The following AFF3 variants were observed in gnomAD, a reference collection of about 807,000 sequenced individuals.
AFF3 encodes ALF transcription elongation factor 3.
AFF3 carries 32 observed loss-of-function variants against 129.7 expected under a neutral mutation model. The observed-to-expected ratio is 0.25, with a 90% CI of 0.19 to 0.33. The LOEUF (loss-of-function observed/expected upper bound fraction) is 0.33. Ranked by LOEUF, AFF3 falls within the 10% of genes least tolerant of loss-of-function variation. AFF3 has a pLI of 1.00. For missense variants in AFF3, 1,373 were observed against 1,592.0 expected, an observed-to-expected ratio of 0.86 and a Z score of 2.34; for synonymous variants, 644 against 635.4, an observed-to-expected ratio of 1.01 and a Z score of -0.20.
At chr2:99,556,413 G>A (rs766004025) in intron 22 of AFF3, among the ~76,000 whole-genome samples, 5 of 152,116 alleles carry the variant, frequency 3.3e-5, no homozygotes, top group Non-Finnish European at 7.4e-5. Flanking sequence ...CTGCACTCCA[G>A]CCTGGGTGAC....
intron 7 of AFF3, among the ~76,000 whole-genome samples, chr2:99,995,355 C>T (rs578186763): frequency 6.6e-6 from 1 of 151,872 alleles, no homozygotes; most frequent in South Asian, 2.1e-4. Context: ...AAACAAATTC[C>T]AGATGATAAC....
chr2:99,831,428 G>T (rs973765352), intron 8 of AFF3, among the ~76,000 whole-genome samples: 4 of 152,254 alleles, frequency 2.6e-5, no homozygotes, highest in Admixed American at 2.6e-4. Context: ...CATAAACCAG[G>T]TTAGCTGGCT....
In AFF3 at chr2:99,727,097, G is replaced by A. The variant is rs1428098003; in HGVS notation, c.1071C>T (p.Asp357=). ...CTTACGATGTATTCGATGTGCCATTGTCTGGACTCTCTGGCTCTGCATCAC... is the reference window on the plus strand; with the variant it reads ...CTTACGATGTATTCGATGTGCCATTATCTGGACTCTCTGGCTCTGCATCAC... ...KKGDAEPESP[D]NGTSNTSMLE... The change falls in exon 11 of 25, where the codon GAC becomes GAT. Residue 357 remains aspartate (D), a synonymous_variant. Transcript: ENST00000672756. 6.2e-7 allele frequency: 1 copy of A among 1,608,888 alleles called. No individual in the cohort carries two copies. Among genetic ancestry groups the A allele is most frequent in the Non-Finnish European group, 8.5e-7 (1 of 1,178,754 alleles).
chr2:99,672,732 C>A lies in AFF3; in HGVS notation c.1092-143G>T, dbSNP rs75918180. The A allele has an allele frequency of 3.0e-3, 2,282 of 764,410 alleles. 29 individuals are homozygous for A. The African/African-American group carries it at 0.032, about 11-fold the overall frequency. 47.4% of individuals were successfully genotyped at this position (764,410 alleles called of 1,614,324 possible). On this transcript the variant is annotated intron_variant, in intron 11 of 24. Transcript: ENST00000672756. ...ATTTGATTTCCTATTTTTTTTCTTT[C>A]CTTCTTATGCACTTTTCCTCTGGTG...
At chr2:99,970,983 G>A (rs1281311823) in intron 7 of AFF3, among the ~76,000 whole-genome samples, 1 of 152,160 alleles carries the variant, frequency 6.6e-6, no homozygotes, top group Non-Finnish European at 1.5e-5. Context: ...TATCTTTCCT[G>A]CCTGATCCAG....
intron 4 of AFF3, among the ~76,000 whole-genome samples, chr2:100,076,683 C>A (rs1688614455): frequency 6.6e-6 from 1 of 152,172 alleles, no homozygotes; most frequent in African/African-American, 2.4e-5. Flanking sequence ...TCCATTTTCT[C>A]CCCTTTTTCC....
rs1235685384 is a variant in AFF3 at position 100,008,841 on chromosome 2, T to C, written c.145A>G (p.Ser49Gly). 6.2e-7 allele frequency: 1 copy of C among 1,614,054 alleles called. No individual in the cohort carries two copies. Among genetic ancestry groups the C allele is most frequent in the South Asian group, 1.1e-5 (1 of 91,030 alleles). ...TAGGGCTCACTGAAGAGAGAGTAAC[T>C]AGAATTAAACGTGCCATCATCCTGT... is the stretch of plus-strand genomic sequence containing the variant. ...TQQDDGTFNS[S>G]YSLFSEPYKT... Residue 49 changes from serine to glycine, a missense_variant, in exon 5 of 25, where the codon AGT becomes GGT. Ser to Gly is a moderately conservative substitution (Grantham distance 56). Coordinates refer to ENST00000672756, the MANE Select transcript of AFF3 (RefSeq NM_001386135.1).
chr2:99,876,420 A>C (rs1692304038), intron 7 of AFF3, among the ~76,000 whole-genome samples: 1 of 152,082 alleles, frequency 6.6e-6, no homozygotes, highest in African/African-American at 2.4e-5. Context: ...TGTCCCTCTC[A>C]CATTCACTTC....
intron 7 of AFF3, among the ~76,000 whole-genome samples, chr2:99,904,878 A>G (rs1318058399): frequency 1.3e-5 from 2 of 151,982 alleles, no homozygotes; most frequent in Admixed American, 6.6e-5. Flanking sequence ...AGCCGTTCCC[A>G]TATTGCTGGT....
intron 19 of AFF3, among the ~76,000 whole-genome samples, chr2:99,567,071 G>A (rs527996844): frequency 2.7e-5 from 4 of 150,768 alleles, no homozygotes; most frequent in East Asian, 2.0e-4. Context: ...GGGTTCAAGC[G>A]AGTCTTCTGT....
At chr2:99,664,961 T>C (rs1037531375) in intron 12 of AFF3, among the ~76,000 whole-genome samples, 10 of 152,210 alleles carry the variant, frequency 6.6e-5, no homozygotes, top group African/African-American at 2.4e-4. Context: ...GAGGTCTCCC[T>C]GAGGAAGTGA....
At chr2:99,685,729 C>T (rs1362402983) in intron 11 of AFF3, among the ~76,000 whole-genome samples, 1 of 152,150 alleles carries the variant, frequency 6.6e-6, no homozygotes, top group Non-Finnish European at 1.5e-5. Flanking sequence ...ATGTACACTT[C>T]TGAGATAGGA....
At chr2:99,908,205 CT>C (rs932070485) in intron 7 of AFF3, among the ~76,000 whole-genome samples, 1 of 152,050 alleles carries the variant, frequency 6.6e-6, no homozygotes, top group African/African-American at 2.4e-5. Flanking sequence ...TAAAAATAAC[CT>C]TTTTTTGGAA....
In AFF3 at chr2:99,680,412, C is replaced by T. The variant is rs1259504078; in HGVS notation, c.1092-7823G>A. On this transcript the variant is annotated intron_variant, in intron 11 of 24. Coordinates refer to ENST00000672756, the MANE Select transcript of AFF3 (RefSeq NM_001386135.1). ...TGAATGCAAGTAGTGTGTGAAAGAA[C>T]ATGATCCTTTCCCGGGCAGACAGCA... Among the ~76,000 whole-genome samples, 4 of 152,170 alleles carry T rather than the reference C, an allele frequency of 2.6e-5. No individual in the cohort carries two copies. The East Asian group carries it at 7.7e-4, about 29-fold the overall frequency.
At chr2:99,960,465 A>C (rs1316996549) in intron 7 of AFF3, among the ~76,000 whole-genome samples, 1 of 152,178 alleles carries the variant, frequency 6.6e-6, no homozygotes, top group African/African-American at 2.4e-5. Flanking sequence ...ATGTTTACTG[A>C]GAAAATGACT....
chr2:99,881,603 G>A (rs964498157), intron 7 of AFF3, among the ~76,000 whole-genome samples: 4 of 152,110 alleles, frequency 2.6e-5, no homozygotes, highest in East Asian at 3.9e-4. Flanking sequence ...AAAAAAAATC[G>A]CATTTTAAAA....
At chr2:100,077,224 G>T (rs376769026) in intron 4 of AFF3, among the ~76,000 whole-genome samples, 1 of 152,136 alleles carries the variant, frequency 6.6e-6, no homozygotes, top group Non-Finnish European at 1.5e-5. Context: ...ACTCCAGCCT[G>T]GGCGACAGTG....
At chr2:99,707,305 T>C (rs1553435944) in intron 11 of AFF3, 3 of 985,084 alleles carry the variant, frequency 3.0e-6, no homozygotes, top group Non-Finnish European at 2.4e-6. Flanking sequence ...TGGTTAGAGA[T>C]TAAAGAAAAA....
intron 1 of AFF3, among the ~76,000 whole-genome samples, chr2:100,136,355 A>G (rs2105604398): frequency 6.6e-6 from 1 of 152,294 alleles, no homozygotes; most frequent in East Asian, 1.9e-4. Context: ...GGAGGCCGAG[A>G]AGGCGCGGCC....
Sources: gnomAD v4.1 joint callset for allele counts (sites outside exome capture counted in the v4.1 genomes callset) on GRCh38, gnomAD v4.1.1 for gene constraint, MANE v1.5 for transcripts, NCBI Gene and HGNC (gene_info 2026-07-23, HGNC 2026-07-21) for gene names.